MYLK: variants seen among roughly 807,000 people sequenced by gnomAD.
MYLK encodes the protein myosin light chain kinase, smooth muscle.
MYLK carries 106 observed loss-of-function variants against 203.4 expected under a neutral mutation model. That is an observed-to-expected ratio of 0.52 (90% CI 0.45 to 0.61). The LOEUF (loss-of-function observed/expected upper bound fraction) is 0.61. Among genes scored for constraint, MYLK ranks in the 20% least tolerant of loss-of-function variants. The pLI is 0.00. For synonymous variants in MYLK, 867 were observed against 959.5 expected (o/e 0.90, Z 1.78); for missense variants, 2,072 against 2,442.3 (o/e 0.85, Z 3.20).
intron 1 of MYLK, among the ~76,000 whole-genome samples, chr3:123,879,395 C>G (rs1171589434): frequency 6.6e-6 from 1 of 152,042 alleles, no homozygotes; most frequent in Non-Finnish European, 1.5e-5. Context: ...CTTCAGACAC[C>G]GGAGCCAAAT....
At chr3:123,717,909 C>T (rs550021761) in intron 13 of MYLK, among the ~76,000 whole-genome samples, 1 of 141,950 alleles carries the variant, frequency 7.0e-6, no homozygotes, top group African/African-American at 2.7e-5. Context: ...AGGCTGGAGT[C>T]CAGTGGTGTG....
Position 123,645,101 on chromosome 3 carries a change from A to G in MYLK, c.4619+2123T>C, listed in dbSNP as rs527861823. The stretch of plus-strand genomic sequence containing the variant: ...AAAAACCAGGATACAAAAAAAGTCA[A>G]TGTATCATACTACTAACAATAACTC... On this transcript the variant is annotated intron_variant, in intron 27 of 33. Coordinates refer to ENST00000360304, the MANE Select transcript of MYLK (RefSeq NM_053025.4). Among the ~76,000 whole-genome samples, 10 of 152,040 alleles carry G rather than the reference A, an allele frequency of 6.6e-5. No homozygotes were observed. In the South Asian group the frequency reaches 8.4e-4, roughly 13 times the overall value.
In MYLK at chr3:123,735,144, G is replaced by A. The variant is rs76231879; in HGVS notation, c.773+254C>T. ...CTTCCTCAGGATGCTAACCAGAGAA[G>A]AGACTGTGTAGATACTGTGAAAGGT... On this transcript the variant is annotated intron_variant, in intron 9 of 33. Coordinates refer to ENST00000360304, the MANE Select transcript of MYLK (RefSeq NM_053025.4). The A allele has an allele frequency of 1.2e-3, 648 of 526,982 alleles. 3 individuals carry two copies. The highest frequency in any genetic ancestry group is 0.01 in the African/African-American group (541 of 52,056). 32.6% of individuals were successfully genotyped at this position (526,982 alleles called of 1,614,324 possible).
chr3:123,707,922 G>A lies in MYLK; in HGVS notation c.2222C>T (p.Ser741Phe). Residue 741 changes from serine to phenylalanine, a missense_variant, in exon 16 of 34, where the codon TCC (serine) becomes TTC (phenylalanine). Transcript: ENST00000360304. ...TASLGQSVLI[S>F]CAIAGDPFPT... ...AAAGGGGTCACCAGCTATGGCGCAG[G>A]AGATGAGGACACTCTGGCCCAGGGA... The A allele has an allele frequency of 6.2e-7, 1 of 1,614,234 alleles. No homozygotes were observed. Among genetic ancestry groups the A allele is most frequent in the Non-Finnish European group, 8.5e-7 (1 of 1,180,050 alleles).
At chr3:123,744,107 G>A (rs2062944211) in intron 5 of MYLK, among the ~76,000 whole-genome samples, 1 of 152,148 alleles carries the variant, frequency 6.6e-6, no homozygotes, top group Admixed American at 6.5e-5. Context: ...ATGCGACCCT[G>A]ATCAAAATTC....
chr3:123,771,476 C>T, intron 4 of MYLK, among the ~76,000 whole-genome samples: 1 of 152,080 alleles, frequency 6.6e-6, no homozygotes, highest in Non-Finnish European at 1.5e-5. Flanking sequence ...TTGTTTTTCT[C>T]TTTGTAATAC....
At chr3:123,664,878 G>A (rs564088853) in intron 22 of MYLK, among the ~76,000 whole-genome samples, 1 of 152,300 alleles carries the variant, frequency 6.6e-6, no homozygotes, top group East Asian at 1.9e-4. Context: ...CAGAGAGAAT[G>A]ACATACTGTA....
At chr3:123,738,424 T>C (rs561119173) in intron 7 of MYLK, among the ~76,000 whole-genome samples, 1 of 152,188 alleles carries the variant, frequency 6.6e-6, no homozygotes, top group East Asian at 1.9e-4. Flanking sequence ...GAGAACCGCC[T>C]GAAACAGGAG....
chr3:123,721,976 C>T (rs2062105145), intron 13 of MYLK, 152 bp downstream of exon 13: 2 of 1,009,996 alleles, frequency 2.0e-6, no homozygotes, highest in South Asian at 2.8e-5. Context: ...TGTCACGGCA[C>T]CTGCCGCTGC....
At position 123,723,166 on chromosome 3, in the gene MYLK, C is replaced by T. The variant is rs565648292; in HGVS notation, c.1652-886G>A. 6.1e-4 allele frequency among the ~76,000 whole-genome samples: 93 copies of T among 151,400 alleles called. No homozygotes were observed. The South Asian group carries it at 7.5e-3, about 12-fold the overall frequency. ...CTGTCAGTTTCTTCCCTTGCCAGGCCCCAGGGTCCTGGTTTGCACTTCATA... is the reference window on the plus strand; with the variant it reads ...CTGTCAGTTTCTTCCCTTGCCAGGCTCCAGGGTCCTGGTTTGCACTTCATA... On this transcript the variant is annotated intron_variant, in intron 12 of 33. Transcript: ENST00000360304.
At chr3:123,701,050 G>A in intron 17 of MYLK, 45 bp from the exon 18 acceptor site, 2 of 1,596,168 alleles carry the variant, frequency 1.3e-6, no homozygotes, top group South Asian at 1.1e-5. Context: ...GAGGAAAAGG[G>A]GCTGGGTAAG....
chr3:123,776,298 C>T (rs2064075517), intron 4 of MYLK, among the ~76,000 whole-genome samples: 1 of 152,070 alleles, frequency 6.6e-6, no homozygotes, highest in Non-Finnish European at 1.5e-5. Flanking sequence ...GCAGGTGGGC[C>T]ATGAAAACTG....
At chr3:123,784,168 A>C (rs536215290) in intron 4 of MYLK, among the ~76,000 whole-genome samples, 3 of 152,206 alleles carry the variant, frequency 2.0e-5, no homozygotes, top group Non-Finnish European at 4.4e-5. Flanking sequence ...AACGACCTGG[A>C]AACTAATGTC....
At chr3:123,692,540 G>A (rs972155382) in intron 19 of MYLK, 195 bp downstream of exon 19, 8 of 767,470 alleles carry the variant, frequency 1.0e-5, no homozygotes, top group Non-Finnish European at 1.7e-5. Flanking sequence ...AGGTGATCAA[G>A]TAGAGCTGCC....
At chr3:123,869,581 C>A (rs577322441) in intron 2 of MYLK, among the ~76,000 whole-genome samples, 1 of 152,262 alleles carries the variant, frequency 6.6e-6, no homozygotes, top group Middle Eastern at 3.4e-3. Context: ...AGGGGACCAG[C>A]ACACCCTCTC....
chr3:123,858,056 TG>T (rs1462509313), intron 2 of MYLK, among the ~76,000 whole-genome samples: 1 of 152,218 alleles, frequency 6.6e-6, no homozygotes, highest in Admixed American at 6.5e-5. Flanking sequence ...TATTGGATTC[TG>T]GGCCATCTTC....
intron 2 of MYLK, among the ~76,000 whole-genome samples, chr3:123,833,036 G>A (rs533065848): frequency 1.7e-4 from 26 of 152,004 alleles, no homozygotes; most frequent in African/African-American, 9.7e-5. Flanking sequence ...CGGGAGAGAC[G>A]GGGCTCTCAA....
chr3:123,768,070 A>C (rs909759711), intron 4 of MYLK, among the ~76,000 whole-genome samples: 8 of 152,168 alleles, frequency 5.3e-5, no homozygotes, highest in African/African-American at 1.7e-4. Context: ...CTCGGCTGAC[A>C]CTGCTGTCCA....
rs139880090 is a variant in MYLK, at chr3:123,710,657, T to A, written c.1805-764A>T. 8.3e-3 allele frequency among the ~76,000 whole-genome samples: 1,266 copies of A among 152,316 alleles called. 9 individuals are homozygous for A. Among genetic ancestry groups the A allele is most frequent in the Middle Eastern group, 0.014 (4 of 294 alleles). On this transcript the variant is annotated intron_variant, in intron 13 of 33. Transcript: ENST00000360304. Reference sequence around the variant, plus strand: ...GGTGGTACAGAACCTTCTGAAAACATTTTGGCAGTTTCTTAAAAAGTTAAA... The same window carrying A: ...GGTGGTACAGAACCTTCTGAAAACAATTTGGCAGTTTCTTAAAAAGTTAAA...
Sources: allele counts gnomAD v4.1 joint callset (sites outside exome capture counted in the v4.1 genomes callset), GRCh38; gene constraint gnomAD v4.1.1; transcripts MANE v1.5; gene names NCBI Gene and HGNC (gene_info 2026-07-23, HGNC 2026-07-21).